GRHL2: variants seen among roughly 807,000 people sequenced by gnomAD.
The protein encoded by GRHL2 is grainyhead like transcription factor 2.
In GRHL2, 21 loss-of-function variants were observed where a neutral mutation model predicts 83.8. The ratio of observed to expected loss-of-function variants is 0.25; its 90% CI spans 0.18 to 0.36. The LOEUF is 0.36. GRHL2 is among the 10% of genes least tolerant of loss of function. The probability of loss-of-function intolerance (pLI) is 1.00; values close to 1 mark genes in which losing one functional copy is unlikely to be tolerated. For synonymous variants in GRHL2, 280 were observed against 278.9 expected (o/e 1.00, Z -0.04); for missense variants, 623 against 781.8 (o/e 0.80, Z 2.42).
chr8:101,631,745 TG>T, intron 10 of GRHL2, 21 bp downstream of exon 10: 2 of 1,599,346 alleles, frequency 1.3e-6, no homozygotes, highest in Non-Finnish European at 1.7e-6. Flanking sequence ...CTGAGACTAA[TG>T]TTGCTTTCTA....
rs199523306 is a variant in GRHL2, at chr8:101,640,310, A to AT, written c.1517+3391dup. On this transcript the variant is annotated intron_variant, in intron 12 of 15. Transcript: ENST00000646743. ...AGAATGTCCTGACACACAGAATTTG[A>AT]TTTTTTTTTAAATCATAGCTATTGT... 3.6e-4 allele frequency among the ~76,000 whole-genome samples: 55 copies of AT among 151,882 alleles called. No homozygotes were observed. In the East Asian group the frequency reaches 7.1e-3, roughly 20 times the overall value.
At chr8:101,547,126 G>A (rs533725642) in intron 2 of GRHL2, among the ~76,000 whole-genome samples, 1 of 152,310 alleles carries the variant, frequency 6.6e-6, no homozygotes, top group African/African-American at 2.4e-5. Context: ...TTGCCTGGGT[G>A]TTCACAGCTT....
intron 1 of GRHL2, among the ~76,000 whole-genome samples, chr8:101,532,051 G>A (rs13263539): frequency 0.39 from 59,881 of 152,044 alleles, 13,751 homozygotes; most frequent in Non-Finnish European, 0.51. Flanking sequence ...TATCAATATC[G>A]TCCTGGGCTT....
At chr8:101,569,161 G>C (rs1003144911) in intron 4 of GRHL2, among the ~76,000 whole-genome samples, 1 of 152,156 alleles carries the variant, frequency 6.6e-6, no homozygotes, top group Non-Finnish European at 1.5e-5. Context: ...TTTTTCATCA[G>C]TATTCTACAA....
At chr8:101,507,067 C>A (rs535642187) in intron 1 of GRHL2, among the ~76,000 whole-genome samples, 23 of 152,296 alleles carry the variant, frequency 1.5e-4, no homozygotes, top group Middle Eastern at 6.8e-3. Context: ...AACATTTGTA[C>A]AGTTGCACCC....
chr8:101,678,204 G>A, the GRHL2 span, among the ~76,000 whole-genome samples: 3 of 152,162 alleles, frequency 2.0e-5, no homozygotes, highest in Admixed American at 6.5e-5. Flanking sequence ...GCCAGGCAGT[G>A]GGCGCAGGTC....
intron 1 of GRHL2, among the ~76,000 whole-genome samples, chr8:101,533,685 G>T (rs1459233910): frequency 6.6e-6 from 1 of 152,216 alleles, no homozygotes; most frequent in Non-Finnish European, 1.5e-5. Context: ...GGTGGAAGCA[G>T]GTTGCTGCAT....
At chr8:101,504,197 C>T (rs1207343546) in intron 1 of GRHL2, among the ~76,000 whole-genome samples, 19 of 152,184 alleles carry the variant, frequency 1.2e-4, no homozygotes, top group Non-Finnish European at 1.5e-5. Flanking sequence ...CCAGGAATGC[C>T]ACGCTGCCCT....
At chr8:101,574,617 G>A (rs1811896036) in intron 6 of GRHL2, among the ~76,000 whole-genome samples, 1 of 152,216 alleles carries the variant, frequency 6.6e-6, no homozygotes, top group Admixed American at 6.5e-5. Flanking sequence ...GGGGGCACAT[G>A]GTGTGCCTAC....
chr8:101,653,566 G>A (rs1236954915), intron 14 of GRHL2, among the ~76,000 whole-genome samples: 3 of 151,982 alleles, frequency 2.0e-5, no homozygotes, highest in South Asian at 4.2e-4. Context: ...CCTGGCCAAC[G>A]TGGTGAAACC....
At chr8:101,551,186 A>G (rs1317724264) in intron 2 of GRHL2, among the ~76,000 whole-genome samples, 1 of 152,212 alleles carries the variant, frequency 6.6e-6, no homozygotes, top group Non-Finnish European at 1.5e-5. Context: ...ATACACTCTG[A>G]AAGTTAACAT....
intron 2 of GRHL2, among the ~76,000 whole-genome samples, chr8:101,545,034 A>G (rs1193596324): frequency 6.6e-6 from 1 of 152,042 alleles, no homozygotes; most frequent in Non-Finnish European, 1.5e-5. Flanking sequence ...CTTCTTGGGG[A>G]GATGATTGAA....
At chr8:101,598,581 ATTTTTTTTTTT>A (rs61519476) in intron 7 of GRHL2, among the ~76,000 whole-genome samples, 45,156 of 118,250 alleles carry the variant, frequency 0.38, 8,732 homozygotes, top group African/African-American at 0.51. Context: ...GGTCTCCTGA[ATTTTTTTTTTT>A]TTTTTTTTTT....
intron 1 of GRHL2, among the ~76,000 whole-genome samples, chr8:101,532,676 C>T (rs562637392): frequency 2.0e-5 from 3 of 151,716 alleles, no homozygotes; most frequent in Admixed American, 1.3e-4. Context: ...ATTGCTTGAA[C>T]CTGGGAGGTG....
the GRHL2 span, among the ~76,000 whole-genome samples, chr8:101,674,735 G>C: frequency 6.6e-6 from 1 of 152,130 alleles, no homozygotes; most frequent in Non-Finnish European, 1.5e-5. Flanking sequence ...TGATACAAAA[G>C]ACTGGCAGAG....
At chr8:101,552,923 C>T in intron 3 of GRHL2, 141 bp downstream of exon 3, 1 of 815,124 alleles carries the variant, frequency 1.2e-6, no homozygotes, top group South Asian at 1.5e-5. Context: ...TGGACCAATG[C>T]TAGATCTCTC....
chr8:101,505,595 A>C (rs1352538185), intron 1 of GRHL2, among the ~76,000 whole-genome samples: 1 of 151,484 alleles, frequency 6.6e-6, no homozygotes, highest in Non-Finnish European at 1.5e-5. Flanking sequence ...AAAAAAAAAA[A>C]AACAGTGTAA....
At chr8:101,670,452 G>GCATCT (rs1814186679), downstream of GRHL2, among the ~76,000 whole-genome samples, 1 of 152,238 alleles carries the variant, frequency 6.6e-6, no homozygotes, top group Admixed American at 6.5e-5. Context: ...AACCCCAGCA[G>GCATCT]CATCTCCAGC....
chr8:101,637,545 C>T (rs1673718188), intron 12 of GRHL2, among the ~76,000 whole-genome samples: 1 of 152,218 alleles, frequency 6.6e-6, no homozygotes, highest in African/African-American at 2.4e-5. Flanking sequence ...CTTCAAAGTG[C>T]TTTCTATCCA....
Sources: allele counts gnomAD v4.1 joint callset (sites outside exome capture counted in the v4.1 genomes callset), GRCh38; gene constraint gnomAD v4.1.1; transcripts MANE v1.5; gene names NCBI Gene and HGNC (gene_info 2026-07-23, HGNC 2026-07-21).